Variants in PALS2 observed in about 807,000 individuals in gnomAD.
PALS2 encodes the protein protein PALS2.
Under a neutral mutation model 61.6 loss-of-function variants are expected in PALS2, and 27 were observed. That is an observed-to-expected ratio of 0.44 (90% confidence interval 0.32 to 0.60). The LOEUF is 0.60. Among genes scored for constraint, PALS2 ranks in the 20% least tolerant of loss-of-function variants. The probability of loss-of-function intolerance (pLI) is 0.05; values close to 1 mark genes in which losing one functional copy is unlikely to be tolerated. For synonymous variants in PALS2, 236 were observed against 218.6 expected (o/e 1.08, Z -0.70); for missense variants, 554 against 639.4 (o/e 0.87, Z 1.44).
At chr7:24,654,095 T>C (rs1031967907) in intron 5 of PALS2, among the ~76,000 whole-genome samples, 3 of 152,188 alleles carry the variant, frequency 2.0e-5, no homozygotes, top group Non-Finnish European at 4.4e-5. Context: ...AATGTAAGTC[T>C]ATAAATTCCA....
intron 1 of PALS2, among the ~76,000 whole-genome samples, chr7:24,593,338 A>G (rs921658329): frequency 6.6e-6 from 1 of 152,110 alleles, no homozygotes; most frequent in Admixed American, 6.6e-5. Flanking sequence ...CCTCAAAGTC[A>G]TTGATGAGAG....
At chr7:24,630,498 AAAG>A (rs201184505) in intron 2 of PALS2, among the ~76,000 whole-genome samples, 2,713 of 152,306 alleles carry the variant, frequency 0.018, 33 homozygotes, top group Non-Finnish European at 0.028. Context: ...TTTTTAAAAA[AAAG>A]AAGAAGAAGC....
intron 8 of PALS2, 72 bp from the exon 9 acceptor site, chr7:24,668,427 A>G: frequency 1.1e-5 from 15 of 1,389,654 alleles, no homozygotes; most frequent in African/African-American, 1.4e-5. Flanking sequence ...AGCCATTACT[A>G]GACAGAATTG....
intron 3 of PALS2, among the ~76,000 whole-genome samples, chr7:24,649,168 G>T (rs1374176756): frequency 6.6e-6 from 1 of 151,906 alleles, no homozygotes; most frequent in African/African-American, 2.4e-5. Flanking sequence ...CATATAAAAA[G>T]TATATCATAT....
chr7:24,669,656 C>T (rs1787201563), intron 9 of PALS2, among the ~76,000 whole-genome samples: 1 of 152,138 alleles, frequency 6.6e-6, no homozygotes, highest in Non-Finnish European at 1.5e-5. Flanking sequence ...TTTAGAGTTT[C>T]CCTGGTTTTG....
intron 1 of PALS2, among the ~76,000 whole-genome samples, chr7:24,581,031 G>T (rs562063024): frequency 2.6e-5 from 4 of 152,108 alleles, no homozygotes; most frequent in South Asian, 2.1e-4. Flanking sequence ...ATTCTCTTAC[G>T]ATTCTGAAGG....
chr7:24,614,386 G>T (rs760069398), intron 1 of PALS2, among the ~76,000 whole-genome samples: 12 of 151,730 alleles, frequency 7.9e-5, no homozygotes, highest in Non-Finnish European at 1.5e-4. Flanking sequence ...TCAGTTCCAA[G>T]AGTTTTTTTG....
chr7:24,573,556 C>T lies in PALS2; in HGVS notation c.-40C>T. 1 of 385,976 alleles carries T rather than the reference C, an allele frequency of 2.6e-6. No individual in the cohort carries two copies. Among genetic ancestry groups the T allele is most frequent in the Non-Finnish European group, 4.6e-6 (1 of 219,186 alleles). The allele number at this position is 385,976 out of a possible 1,614,324, so 23.9% of individuals were successfully genotyped here. On this transcript the variant is annotated 5_prime_UTR_variant, in exon 1 of 12. Transcript: ENST00000222644. The surrounding 1 kb of genome is among the most constrained non-coding windows in gnomAD (Gnocchi z 5.3). ...GGCGGCGGGGAGCGACCGGGAGCGG[C>T]GGCAGCGGCGGCGCGGAGGCGGCTG...
At chr7:24,608,267 T>A (rs1783994889) in intron 1 of PALS2, among the ~76,000 whole-genome samples, 1 of 152,244 alleles carries the variant, frequency 6.6e-6, no homozygotes, top group South Asian at 2.1e-4. Flanking sequence ...CCCATTTTTT[T>A]ATGTTTTAAA....
rs559695803 is a variant in PALS2 at position 24,663,403 on chromosome 7, T to C, written c.652-187T>C. On this transcript the variant is annotated intron_variant, in intron 5 of 11. Coordinates refer to ENST00000222644, the MANE Select transcript of PALS2 (RefSeq NM_001303037.2). ...TTAAAGTAGAGAAGAAGTTTTATTA[T>C]CTTTCTGATACCAAAATCTGTTAAT... 6 of 462,540 alleles carry C rather than the reference T, an allele frequency of 1.3e-5. No homozygotes were observed. The East Asian group carries it at 2.1e-4, about 16-fold the overall frequency. The allele number at this position is 462,540 out of a possible 1,614,324, so 28.7% of individuals were successfully genotyped here.
At chr7:24,600,713 C>T (rs1362185338) in intron 1 of PALS2, among the ~76,000 whole-genome samples, 12 of 152,042 alleles carry the variant, frequency 7.9e-5, no homozygotes, top group East Asian at 7.7e-4. Context: ...TTACATCTTA[C>T]GTTTTAGTTG....
At chr7:24,581,128 C>T (rs1055543035) in intron 1 of PALS2, among the ~76,000 whole-genome samples, 4 of 152,154 alleles carry the variant, frequency 2.6e-5, no homozygotes, top group Admixed American at 2.6e-4. Context: ...GGAGAACTTA[C>T]TTGTTGCCTT....
chr7:24,676,474 G>T (rs1192762399), intron 9 of PALS2, among the ~76,000 whole-genome samples: 1 of 152,094 alleles, frequency 6.6e-6, no homozygotes, highest in Non-Finnish European at 1.5e-5. Flanking sequence ...GAATGGTAAC[G>T]CCTAGGTTTT....
chr7:24,650,759 T>C, intron 5 of PALS2, 47 bp downstream of exon 5: 1 of 1,261,782 alleles, frequency 7.9e-7, no homozygotes, highest in South Asian at 1.6e-5. Context: ...TTCATGTTTT[T>C]AATCACAGTG....
chr7:24,636,127 G>A (rs375496319), intron 2 of PALS2, among the ~76,000 whole-genome samples: 9 of 150,554 alleles, frequency 6.0e-5, no homozygotes, highest in African/African-American at 2.2e-4. Flanking sequence ...CAGGAGAATC[G>A]CTTGAACCCG....
chr7:24,660,146 T>G lies in PALS2; in HGVS notation c.652-3444T>G, dbSNP rs542754805. ...TTTGTCAACATAGTTTTTAGTTGTTTCATGTTGGAGGGTCCTTGTTACTTC... is the reference window on the plus strand; with the variant it reads ...TTTGTCAACATAGTTTTTAGTTGTTGCATGTTGGAGGGTCCTTGTTACTTC... On this transcript the variant is annotated intron_variant, in intron 5 of 11. Transcript: ENST00000222644. Among the ~76,000 whole-genome samples the G allele has an allele frequency of 2.0e-5, 3 of 152,352 alleles. No individual in the cohort carries two copies. In the East Asian group the frequency reaches 5.8e-4, roughly 29 times the overall value.
chr7:24,583,931 G>A lies in PALS2; in HGVS notation c.-3+10338G>A, dbSNP rs1180216341. 1.9e-4 allele frequency among the ~76,000 whole-genome samples: 28 copies of A among 151,180 alleles called. No individual in the cohort carries two copies. The South Asian group carries it at 5.9e-3, about 32-fold the overall frequency. On this transcript the variant is annotated intron_variant, in intron 1 of 11. Coordinates refer to ENST00000222644, the MANE Select transcript of PALS2 (RefSeq NM_001303037.2). ...GCGGTGTTTGGTTTTTTGTTCTCAC[G>A]ATAGTTTACTGAGAATGATGATTTC...
chr7:24,603,175 C>A (rs1261981406), intron 1 of PALS2, among the ~76,000 whole-genome samples: 2 of 152,206 alleles, frequency 1.3e-5, no homozygotes, highest in South Asian at 2.1e-4. Flanking sequence ...AAATAAATTT[C>A]TGTCATTTAA....
intron 5 of PALS2, among the ~76,000 whole-genome samples, chr7:24,656,102 T>G (rs1329332436): frequency 1.3e-5 from 2 of 152,214 alleles, no homozygotes; most frequent in African/African-American, 4.8e-5. Context: ...GATAATCACT[T>G]TGTTCACCAT....
Sources: allele counts gnomAD v4.1 joint callset (sites outside exome capture counted in the v4.1 genomes callset), GRCh38; gene constraint gnomAD v4.1.1; non-coding constraint Gnocchi (gnomAD v3.1); transcripts MANE v1.5; gene names NCBI Gene and HGNC (gene_info 2026-07-23, HGNC 2026-07-21).